PTPRQ: variants seen among roughly 807,000 people sequenced by gnomAD.
PTPRQ encodes protein tyrosine phosphatase receptor type Q.
In PTPRQ, 199 loss-of-function variants were observed where a neutral mutation model predicts 246.0. The ratio of observed to expected loss-of-function variants is 0.81; its 90% CI spans 0.72 to 0.91. The LOEUF (loss-of-function observed/expected upper bound fraction) is 0.91, where lower values mean the gene tolerates loss of function less well. Ranked by LOEUF, PTPRQ falls within the 40% of genes least tolerant of loss-of-function variation. PTPRQ has a pLI of 0.00. For synonymous variants in PTPRQ, 869 were observed against 853.2 expected (o/e 1.02, Z -0.32); for missense variants, 2,624 against 2,528.4 (o/e 1.04, Z -0.81).
At chr12:80,622,177 T>C in intron 33 of PTPRQ, 43 bp downstream of exon 33, 1 of 1,303,030 alleles carries the variant, frequency 7.7e-7, no homozygotes, top group South Asian at 1.9e-5. Flanking sequence ...AACATATTTA[T>C]CAAAGTTGGA....
intron 25 of PTPRQ, among the ~76,000 whole-genome samples, chr12:80,586,150 T>C (rs1336505872): frequency 2.6e-5 from 4 of 151,944 alleles, no homozygotes; most frequent in East Asian, 1.9e-4. Context: ...GACATTTGGG[T>C]TGGTTCCAAG....
At chr12:80,635,223 A>G (rs1051180448) in intron 35 of PTPRQ, 150 bp downstream of exon 35, 1 of 1,224,118 alleles carries the variant, frequency 8.2e-7, no homozygotes, top group Non-Finnish European at 1.1e-6. Context: ...TCTTCTACAC[A>G]CTTCTCACTG....
Position 80,546,557 on chromosome 12 carries a change from A to G in PTPRQ, c.3875A>G (p.Asn1292Ser), listed in dbSNP as rs1896311838. ...AATAACTTTTTTTCTGTTTTTCAGA[A>G]TATATCAGGATTTAAAACTGAAGCC... ...EHETDTIYYKNISGFKTEAKL... is the reference protein window; with the variant it reads ...EHETDTIYYKSISGFKTEAKL... The change falls in exon 24 of 45, where the codon AAT becomes AGT. Residue 1292 changes from asparagine to serine, a missense_variant and splice_region_variant. By Grantham distance (46) the Asn-to-Ser change is conservative (BLOSUM62 1). Transcript: ENST00000644991. 6.5e-7 allele frequency: 1 copy of G among 1,544,412 alleles called. No homozygotes were observed. Among genetic ancestry groups the G allele is most frequent in the East Asian group, 2.5e-5 (1 of 40,750 alleles).
At position 80,495,388 on chromosome 12, in the gene PTPRQ, T is replaced by TGTC. The variant is rs1444927612; in HGVS notation, c.1882+19_1882+20insCGT. 1.4e-6 allele frequency: 2 copies of TGTC among 1,476,402 alleles called. No individual in the cohort carries two copies. The highest frequency in any genetic ancestry group is 1.8e-6 in the Non-Finnish European group (2 of 1,115,714). 91.5% of individuals were successfully genotyped at this position (1,476,402 alleles called of 1,614,324 possible). A position where few individuals can be genotyped will look rare whatever the true frequency, so the allele number is the denominator to read the frequency against. ...TCATAACAGGTAGAAAACAATGTTT[T>TGTC]GTTGTTGTTGTTGTTGTTCATTTTA... On this transcript the variant is annotated intron_variant, in intron 12 of 44. Coordinates refer to ENST00000644991, the MANE Select transcript of PTPRQ (RefSeq NM_001145026.2).
chr12:80,588,584 A>G (rs751986651), intron 26 of PTPRQ, 132 bp downstream of exon 26: 1 of 1,004,670 alleles, frequency 1.0e-6, no homozygotes, highest in Middle Eastern at 2.4e-4. Context: ...ACTACCATAT[A>G]TAACGACATA....
intron 17 of PTPRQ, among the ~76,000 whole-genome samples, chr12:80,531,500 G>A (rs1895842356): frequency 6.6e-6 from 1 of 152,132 alleles, no homozygotes. Flanking sequence ...AACACTTTGA[G>A]CTTCAGGATT....
At chr12:80,678,407 A>C (rs1901213219) in intron 43 of PTPRQ, among the ~76,000 whole-genome samples, 195 bp from the exon 44 acceptor site, 1 of 152,172 alleles carries the variant, frequency 6.6e-6, no homozygotes, top group Non-Finnish European at 1.5e-5. Context: ...TTGAAGCTTC[A>C]AGAGACCACA....
intron 25 of PTPRQ, among the ~76,000 whole-genome samples, chr12:80,569,947 G>A (rs1897096302): frequency 1.3e-5 from 2 of 152,154 alleles, no homozygotes; most frequent in African/African-American, 4.8e-5. Flanking sequence ...ATTCCATGGT[G>A]TATATGTGCC....
rs568368034 is a variant in PTPRQ, at chr12:80,522,458, C to T, written c.2679-11557C>T. ...CTTGTGCCAGTTTTCAAAGGGAATGCTTCCAGTTTTTGCCCATTCAGTATG... is the reference window on the plus strand; with the variant it reads ...CTTGTGCCAGTTTTCAAAGGGAATGTTTCCAGTTTTTGCCCATTCAGTATG... On this transcript the variant is annotated intron_variant, in intron 17 of 44. Coordinates refer to ENST00000644991, the MANE Select transcript of PTPRQ (RefSeq NM_001145026.2). 5.5e-3 allele frequency among the ~76,000 whole-genome samples: 837 copies of T among 152,164 alleles called. 5 individuals are homozygous for T. The highest frequency in any genetic ancestry group is 8.8e-3 in the Non-Finnish European group (597 of 67,992).
At chr12:80,608,765 A>G (rs1001072597) in intron 27 of PTPRQ, among the ~76,000 whole-genome samples, 2 of 150,434 alleles carry the variant, frequency 1.3e-5, no homozygotes, top group Non-Finnish European at 3.0e-5. Context: ...GACAAGTGAC[A>G]TGAACCAGTA....
intron 27 of PTPRQ, among the ~76,000 whole-genome samples, chr12:80,607,221 TAA>T (rs1352555293): frequency 6.6e-6 from 1 of 150,950 alleles, no homozygotes; most frequent in Non-Finnish European, 1.5e-5. Context: ...AGACGGTGAA[TAA>T]CTTCTCACAG....
chr12:80,541,634 T>C lies in PTPRQ; in HGVS notation c.3234T>C (p.Ala1078=), dbSNP rs1016456635. 6.5e-7 allele frequency: 1 copy of C among 1,549,006 alleles called. No individual in the cohort carries two copies. Among genetic ancestry groups the C allele is most frequent in the Admixed American group, 2.0e-5 (1 of 50,740 alleles). ...TAINVSWVPP[A]QPNGLVFYYV... The stretch of plus-strand genomic sequence containing the variant: ...TAAATGTAAGCTGGGTCCCACCGGC[T>C]CAACCAAACGGTCTAGTCTTCTACT... Residue 1078 remains alanine, a synonymous_variant, in exon 21 of 45, where the codon GCT becomes GCC. Coordinates refer to ENST00000644991, the MANE Select transcript of PTPRQ (RefSeq NM_001145026.2).
At position 80,535,019 on chromosome 12, in the gene PTPRQ, T is replaced by C. The variant is rs991776974; in HGVS notation, c.2967T>C (p.Thr989=). 6.5e-7 allele frequency: 1 copy of C among 1,530,848 alleles called. No individual in the cohort carries two copies. Among genetic ancestry groups the C allele is most frequent in the Non-Finnish European group, 8.8e-7 (1 of 1,140,904 alleles). The allele number at this position is 1,530,848 out of a possible 1,614,324, so 94.8% of individuals were successfully genotyped here. A position where few individuals can be genotyped will look rare whatever the true frequency, so the allele number is the denominator to read the frequency against. ...ATTACTCTGTTTATTACAGAAATAC[T>C]TCAGGTACTTTTATGCAGGTAAGAA... is the stretch of plus-strand genomic sequence containing the variant. ...IQYYSVYYRN[T]SGTFMQNFTL... The change falls in exon 19 of 45, where the codon ACT becomes ACC. Residue 989 remains threonine, a synonymous_variant. Coordinates refer to ENST00000644991, the MANE Select transcript of PTPRQ (RefSeq NM_001145026.2).
In PTPRQ at chr12:80,542,365, G is replaced by A. The variant is rs981204532; in HGVS notation, c.3721+1G>A. ...CTTTTCTTTTACACAGATGAGTCAGGTAAGCCAGAATCCACATTTCTTCAA... is the reference window on the plus strand; with the variant it reads ...CTTTTCTTTTACACAGATGAGTCAGATAAGCCAGAATCCACATTTCTTCAA... On this transcript the variant is annotated splice_donor_variant, in intron 22 of 44. Coordinates refer to ENST00000644991, the MANE Select transcript of PTPRQ (RefSeq NM_001145026.2). LOFTEE classifies it high-confidence loss of function. The A allele has an allele frequency of 3.9e-6, 6 of 1,525,794 alleles. No homozygotes were observed. The African/African-American group carries it at 7.0e-5, about 18-fold the overall frequency. 94.5% of individuals were successfully genotyped at this position (1,525,794 alleles called of 1,614,324 possible).
chr12:80,673,073 T>A (rs909336152), intron 42 of PTPRQ, 96 bp from the exon 43 acceptor site: 2 of 1,455,598 alleles, frequency 1.4e-6, no homozygotes, highest in Non-Finnish European at 9.1e-7. Context: ...GAAGAAACTA[T>A]TAGAATTTAT....
chr12:80,670,639 G>T, intron 42 of PTPRQ, 147 bp downstream of exon 42: 3 of 1,237,414 alleles, frequency 2.4e-6, no homozygotes, highest in Non-Finnish European at 3.2e-6. Context: ...TAGACACATT[G>T]GTATGATTTA....
intron 43 of PTPRQ, 51 bp downstream of exon 43, chr12:80,673,355 G>C: frequency 2.0e-6 from 3 of 1,517,272 alleles, no homozygotes; most frequent in Non-Finnish European, 2.7e-6. Flanking sequence ...ATTTCCACAT[G>C]GGAGATCTTA....
chr12:80,659,726 C>A (rs1900565459), intron 39 of PTPRQ, among the ~76,000 whole-genome samples: 1 of 151,926 alleles, frequency 6.6e-6, no homozygotes, highest in Admixed American at 6.6e-5. Context: ...ACTAGGAAGC[C>A]TGAAGATATA....
chr12:80,623,756 T>C (rs1410531085), intron 33 of PTPRQ, among the ~76,000 whole-genome samples: 1 of 152,146 alleles, frequency 6.6e-6, no homozygotes, highest in Non-Finnish European at 1.5e-5. Context: ...ATACAGATTA[T>C]TCATGGGAAG....
Sources: allele counts gnomAD v4.1 joint callset (sites outside exome capture counted in the v4.1 genomes callset), GRCh38; gene constraint gnomAD v4.1.1; transcripts MANE v1.5; gene names NCBI Gene and HGNC (gene_info 2026-07-23, HGNC 2026-07-21).